NFIB: variants seen among roughly 807,000 people sequenced by gnomAD.
NFIB encodes the protein nuclear factor 1 B-type.
NFIB carries 11 observed loss-of-function variants against 61.5 expected under a neutral mutation model. That is an observed-to-expected ratio of 0.18 (90% CI 0.11 to 0.30). NFIB has a LOEUF of 0.30. Among genes scored for constraint, NFIB ranks in the 10% least tolerant of loss-of-function variants. The pLI, the probability that NFIB is intolerant of heterozygous loss-of-function variation, is 1.00. For synonymous variants in NFIB, 260 were observed against 216.5 expected, an observed-to-expected ratio of 1.20 and a Z score of -1.76; for missense variants, 471 against 608.9, an observed-to-expected ratio of 0.77 and a Z score of 2.38.
At chr9:14,441,134 C>T in the NFIB span, among the ~76,000 whole-genome samples, 3 of 100,922 alleles carry the variant, frequency 3.0e-5, no homozygotes, top group East Asian at 2.8e-4. Context: ...TGAGTGGGTT[C>T]AAAAAAAAAA....
chr9:14,320,948 A>G (rs1006893184), intron 1 of NFIB, among the ~76,000 whole-genome samples: 1 of 151,846 alleles, frequency 6.6e-6, no homozygotes, highest in Admixed American at 6.6e-5. Context: ...GGGGTGGGGG[A>G]AAAATACTTA....
At chr9:14,279,265 C>T (rs556232174) in intron 2 of NFIB, among the ~76,000 whole-genome samples, 51 of 152,168 alleles carry the variant, frequency 3.4e-4, no homozygotes, top group Non-Finnish European at 5.6e-4. Flanking sequence ...ACCTTTTCTA[C>T]GATAATAAGA....
At chr9:14,104,920 G>A (rs1042055485) in intron 10 of NFIB, among the ~76,000 whole-genome samples, 1 of 152,104 alleles carries the variant, frequency 6.6e-6, no homozygotes, top group Non-Finnish European at 1.5e-5. Flanking sequence ...TCTCAGCTTA[G>A]GTTGGAGAAG....
chr9:14,310,941 A>G (rs1378444645), intron 1 of NFIB, among the ~76,000 whole-genome samples: 1 of 152,194 alleles, frequency 6.6e-6, no homozygotes, highest in Non-Finnish European at 1.5e-5. Context: ...GCATTGCTAT[A>G]TAACAACAAA....
chr9:14,198,776 A>G (rs1420108694), intron 2 of NFIB, among the ~76,000 whole-genome samples: 1 of 152,226 alleles, frequency 6.6e-6, no homozygotes, highest in Non-Finnish European at 1.5e-5. Flanking sequence ...GCTTGCTCAC[A>G]GACACCAAAC....
intron 2 of NFIB, among the ~76,000 whole-genome samples, chr9:14,201,717 G>A (rs1563895221): frequency 6.6e-6 from 1 of 151,734 alleles, no homozygotes; most frequent in Non-Finnish European, 1.5e-5. Context: ...TATTTAAATG[G>A]CATACAAATT....
chr9:14,334,958 GCTT>G (rs2060868003), intron 1 of NFIB, among the ~76,000 whole-genome samples: 1 of 151,870 alleles, frequency 6.6e-6, no homozygotes, highest in Admixed American at 6.6e-5. Context: ...TTTTCATCTG[GCTT>G]CTTTCTTTCA....
At chr9:14,155,711 T>C (rs2043315564) in intron 4 of NFIB, 114 bp downstream of exon 4, 2 of 527,846 alleles carry the variant, frequency 3.8e-6, no homozygotes, top group African/African-American at 4.5e-5. Flanking sequence ...TTTTAAGATT[T>C]TAATTCAAAT....
At chr9:14,391,528 G>A (rs1588414180) in intron 1 of NFIB, among the ~76,000 whole-genome samples, 1 of 152,084 alleles carries the variant, frequency 6.6e-6, no homozygotes, top group South Asian at 2.1e-4. Flanking sequence ...GAAGTTGGGT[G>A]AGCAGGCTCA....
At chr9:14,449,972 T>A in the NFIB span, among the ~76,000 whole-genome samples, 6,960 of 151,896 alleles carry the variant, frequency 0.046, 255 homozygotes, top group African/African-American at 0.094. Flanking sequence ...AAATTTTTTT[T>A]AAAAAAAATT....
At position 14,120,928 on chromosome 9, in the gene NFIB, T is replaced by C. The variant is rs1016222686; in HGVS notation, c.1061-304A>G. ...TGTCAATACTTGATAAAACACTTCT[T>C]TGAGCAAAGATATATCCCGTTGAAA... On this transcript the variant is annotated intron_variant, in intron 7 of 10. Coordinates refer to ENST00000380953, the MANE Select transcript of NFIB (RefSeq NM_001190737.2). The surrounding 1 kb of genome is among the most constrained non-coding windows in gnomAD (Gnocchi z 4.4). Among the ~76,000 whole-genome samples the C allele has an allele frequency of 2.6e-5, 4 of 152,200 alleles. No individual in the cohort carries two copies. Among genetic ancestry groups the C allele is most frequent in the African/African-American group, 9.6e-5 (4 of 41,456 alleles).
At chr9:14,416,124 A>C in the NFIB span, among the ~76,000 whole-genome samples, 3,604 of 152,336 alleles carry the variant, frequency 0.024, 108 homozygotes, top group East Asian at 0.063. Context: ...CAAGCTATAA[A>C]ACAAAGCTAT....
chr9:14,353,955 C>A (rs922062068), intron 1 of NFIB, among the ~76,000 whole-genome samples: 3 of 149,448 alleles, frequency 2.0e-5, no homozygotes, highest in African/African-American at 7.4e-5. Flanking sequence ...AAAGAAAAGA[C>A]CTGCATTTTA....
chr9:14,494,148 C>G, the NFIB span, among the ~76,000 whole-genome samples: 5 of 152,178 alleles, frequency 3.3e-5, no homozygotes, highest in Admixed American at 6.5e-5. Flanking sequence ...GTCCTCCACT[C>G]ATTAGGCAAG....
the NFIB span, among the ~76,000 whole-genome samples, chr9:14,406,033 T>G: frequency 6.6e-6 from 1 of 152,194 alleles, no homozygotes; most frequent in African/African-American, 2.4e-5. Flanking sequence ...TAAAATAGGC[T>G]TTGGGCCACC....
the NFIB span, among the ~76,000 whole-genome samples, chr9:14,506,619 T>A: frequency 6.6e-6 from 1 of 152,220 alleles, no homozygotes; most frequent in African/African-American, 2.4e-5. Flanking sequence ...TACCTACATA[T>A]TGAAAATGTG....
At chr9:14,303,325 TATAGGACACTTACATCCC>T (rs1329908769) in intron 2 of NFIB, among the ~76,000 whole-genome samples, 1 of 152,200 alleles carries the variant, frequency 6.6e-6, no homozygotes, top group Non-Finnish European at 1.5e-5. Flanking sequence ...CCCTGCATCC[TATAGGACACTTACATCCC>T]AGGAAGCTGT....
chr9:14,435,447 G>A, the NFIB span, among the ~76,000 whole-genome samples: 3 of 152,132 alleles, frequency 2.0e-5, no homozygotes, highest in African/African-American at 7.2e-5. Flanking sequence ...GGGCAACTTG[G>A]GCTGCTTATT....
At chr9:14,235,376 C>G (rs1254650539) in intron 2 of NFIB, among the ~76,000 whole-genome samples, 3 of 152,114 alleles carry the variant, frequency 2.0e-5, no homozygotes, top group African/African-American at 4.8e-5. Flanking sequence ...CTGTGTGAGA[C>G]CTTAGTGCTG....
Sources: gnomAD v4.1 joint callset for allele counts (sites outside exome capture counted in the v4.1 genomes callset) on GRCh38, gnomAD v4.1.1 for gene constraint, Gnocchi (gnomAD v3.1) non-coding constraint, MANE v1.5 for transcripts, NCBI Gene and HGNC (gene_info 2026-07-23, HGNC 2026-07-21) for gene names.